TMEM41B: variants seen among roughly 807,000 people sequenced by gnomAD.
TMEM41B encodes protein stasimon.
In TMEM41B, 18 loss-of-function variants were observed where a neutral mutation model predicts 31.9. The observed-to-expected ratio is 0.56, with a 90% CI of 0.39 to 0.84. The LOEUF is 0.84. Among genes scored for constraint, TMEM41B ranks in the 40% least tolerant of loss-of-function variants. The pLI is 0.00. For missense variants in TMEM41B, 322 were observed against 348.0 expected, an observed-to-expected ratio of 0.93 and a Z score of 0.59; for synonymous variants, 144 against 124.3, an observed-to-expected ratio of 1.16 and a Z score of -1.05.
At position 9,299,535 on chromosome 11, in the gene TMEM41B, C is replaced by G. The variant is rs546977680; in HGVS notation, c.239+49G>C. The G allele has an allele frequency of 7.6e-5, 99 of 1,311,136 alleles. 1 individual carries two copies. In the South Asian group the frequency reaches 1.2e-3, roughly 16 times the overall value. 81.2% of individuals were successfully genotyped at this position (1,311,136 alleles called of 1,614,324 possible). On this transcript the variant is annotated intron_variant, in intron 2 of 6. Transcript: ENST00000528080. The stretch of plus-strand genomic sequence containing the variant: ...ACTGCACTTGGCCTTAATCCACTTT[C>G]ATCTTATAAATATCTATACATTTTC...
intron 1 of TMEM41B, among the ~76,000 whole-genome samples, chr11:9,305,460 C>T (rs1286234833): frequency 2.0e-5 from 3 of 152,086 alleles, no homozygotes; most frequent in Admixed American, 6.6e-5. Context: ...ATTAGTCAGG[C>T]GTGGTGGCAC....
chr11:9,285,088 CT>C lies in TMEM41B; in HGVS notation c.706+1366del, dbSNP rs11405419. On this transcript the variant is annotated intron_variant, in intron 6 of 6. Transcript: ENST00000528080. ...TTTTCTTTTCATTCTTTCCTTCTTT[CT>C]TTTTTTTTTTTTTTTGAGACAGTGT... Among the ~76,000 whole-genome samples, 390 of 131,156 alleles carry C rather than the reference CT, an allele frequency of 3.0e-3. 1 individual carries two copies. Among genetic ancestry groups the C allele is most frequent in the African/African-American group, 4.7e-3 (165 of 35,118 alleles). The allele number at this position is 131,156 out of a possible 152,430, so 86.0% of individuals were successfully genotyped here.
rs184394039 is a variant in TMEM41B at position 9,284,514 on chromosome 11, G to A, written c.707-921C>T. 2.7e-4 allele frequency among the ~76,000 whole-genome samples: 41 copies of A among 152,134 alleles called. No individual in the cohort carries two copies. In the East Asian group the frequency reaches 5.6e-3, roughly 21 times the overall value. On this transcript the variant is annotated intron_variant, in intron 6 of 6. Coordinates refer to ENST00000528080, the MANE Select transcript of TMEM41B (RefSeq NM_015012.4). ...ACAGTGGCTCATACGTGTAATCCCA[G>A]CACCCTGGGAGGCCAAGGCAGGCAG...
chr11:9,309,234 G>A (rs1853489856), intron 1 of TMEM41B, among the ~76,000 whole-genome samples: 1 of 138,886 alleles, frequency 7.2e-6, no homozygotes. Flanking sequence ...CAAAAAGAGT[G>A]AAACTCCATT....
At chr11:9,303,485 T>A (rs1355642904) in intron 1 of TMEM41B, among the ~76,000 whole-genome samples, 1 of 152,122 alleles carries the variant, frequency 6.6e-6, no homozygotes. Context: ...GTAATTTCTG[T>A]TGAAATAAGA....
Position 9,283,451 on chromosome 11 carries a change from T to A in TMEM41B, c.849A>T (p.Gln283His), listed in dbSNP as rs748340602. 1 of 1,602,412 alleles carries A rather than the reference T, an allele frequency of 6.2e-7. No individual in the cohort carries two copies. Among genetic ancestry groups the A allele is most frequent in the Non-Finnish European group, 8.5e-7 (1 of 1,176,898 alleles). The change falls in exon 7 of 7, where the codon CAA (glutamine) becomes CAT (histidine). Residue 283 changes from glutamine (Q) to histidine (H), a missense_variant. Gln to His is a conservative substitution (Grantham distance 24). Transcript: ENST00000528080. ...ACTCAAATTTCTGCTTTAGTTTTTTTTGGAAGATGGCTGGCAGAATAGAAA... is the reference window on the plus strand; with the variant it reads ...ACTCAAATTTCTGCTTTAGTTTTTTATGGAAGATGGCTGGCAGAATAGAAA... ...AVLSILPAIF[Q>H]KKLKQKFE
chr11:9,311,262 G>A lies in TMEM41B; in HGVS notation c.121+3059C>T. 12 of 1,502,302 alleles carry A rather than the reference G, an allele frequency of 8.0e-6. No individual in the cohort carries two copies. In the South Asian group the frequency reaches 1.3e-4, roughly 17 times the overall value. 93.1% of individuals were successfully genotyped at this position (1,502,302 alleles called of 1,614,324 possible). A position where few individuals can be genotyped will look rare whatever the true frequency, so the allele number is the denominator to read the frequency against. On this transcript the variant is annotated intron_variant, in intron 1 of 6. Coordinates refer to ENST00000528080, the MANE Select transcript of TMEM41B (RefSeq NM_015012.4). The stretch of plus-strand genomic sequence containing the variant: ...GCAGAACTGGTGAGACTTGAGGGAA[G>A]GACCCAGGGCCTGTATTCAGTCAGA...
chr11:9,311,426 C>T, intron 1 of TMEM41B: 1 of 1,388,444 alleles, frequency 7.2e-7, no homozygotes, highest in Non-Finnish European at 1.0e-6. Context: ...TCACAGGAGG[C>T]ATTCCAGGAG....
rs373362401 is a variant in TMEM41B, at chr11:9,283,300, T to C, written c.*124A>G. On this transcript the variant is annotated 3_prime_UTR_variant, in exon 7 of 7. Coordinates refer to ENST00000528080, the MANE Select transcript of TMEM41B (RefSeq NM_015012.4). The stretch of plus-strand genomic sequence containing the variant: ...TAAATGTATTACTTTAACTATCTGA[T>C]AGGAAATTTTATTTTACAAATTCCT... The C allele has an allele frequency of 6.6e-6, 5 of 760,342 alleles. No homozygotes were observed. The highest frequency in any genetic ancestry group is 3.6e-5 in the African/African-American group (2 of 56,012). 47.1% of individuals were successfully genotyped at this position (760,342 alleles called of 1,614,324 possible). A position where few individuals can be genotyped will look rare whatever the true frequency, so the allele number is the denominator to read the frequency against.
intron 1 of TMEM41B, chr11:9,311,591 G>T: frequency 1.9e-6 from 2 of 1,054,452 alleles, no homozygotes; most frequent in Non-Finnish European, 2.8e-6. Context: ...GAAAGGGTGG[G>T]TTGATAGGTG....
At chr11:9,293,397 C>T (rs1214783131) in intron 3 of TMEM41B, among the ~76,000 whole-genome samples, 2 of 152,122 alleles carry the variant, frequency 1.3e-5, no homozygotes, top group East Asian at 3.9e-4. Flanking sequence ...GCCACTACAC[C>T]CGGCCAATTA....
At chr11:9,308,084 C>CT (rs946324051) in intron 1 of TMEM41B, among the ~76,000 whole-genome samples, 10 of 152,106 alleles carry the variant, frequency 6.6e-5, no homozygotes, top group Non-Finnish European at 1.0e-4. Context: ...CAGTGGCTCA[C>CT]ACATGTAATC....
At chr11:9,296,885 C>G (rs2133626458) in intron 2 of TMEM41B, among the ~76,000 whole-genome samples, 1 of 152,216 alleles carries the variant, frequency 6.6e-6, no homozygotes, top group Non-Finnish European at 1.5e-5. Context: ...GAATAATCAC[C>G]TTTGTGTTTC....
intron 2 of TMEM41B, among the ~76,000 whole-genome samples, chr11:9,297,460 G>A (rs1252535752): frequency 6.6e-6 from 1 of 152,064 alleles, no homozygotes; most frequent in Non-Finnish European, 1.5e-5. Flanking sequence ...TTGGCAGGCC[G>A]AGATGGGTGG....
chr11:9,309,036 T>A (rs1258560738), intron 1 of TMEM41B, among the ~76,000 whole-genome samples: 1 of 151,846 alleles, frequency 6.6e-6, no homozygotes, highest in African/African-American at 2.4e-5. Flanking sequence ...TTACTGGAGG[T>A]CAGGAGTTCA....
intron 1 of TMEM41B, among the ~76,000 whole-genome samples, chr11:9,303,964 G>A (rs776603413): frequency 2.6e-5 from 4 of 152,054 alleles, no homozygotes; most frequent in South Asian, 2.1e-4. Flanking sequence ...CACCACGCCC[G>A]GCCTCCAATC....
intron 1 of TMEM41B, among the ~76,000 whole-genome samples, chr11:9,304,010 T>G (rs1315259880): frequency 6.6e-6 from 1 of 152,188 alleles, no homozygotes; most frequent in African/African-American, 2.4e-5. Flanking sequence ...TATTTCATCT[T>G]AATCTCAAAA....
intron 3 of TMEM41B, 91 bp from the exon 4 acceptor site, chr11:9,288,626 A>T (rs1470918989): frequency 2.2e-6 from 2 of 891,336 alleles, no homozygotes; most frequent in African/African-American, 3.4e-5. Flanking sequence ...TAAATACAAA[A>T]ATTATCATAC....
chr11:9,298,459 CAA>C (rs1198107922), intron 2 of TMEM41B, among the ~76,000 whole-genome samples: 9 of 61,148 alleles, frequency 1.5e-4, no homozygotes, highest in Admixed American at 1.8e-4. Flanking sequence ...AACTCAGTCT[CAA>C]AAAAAAAAAA....
Sources: allele counts gnomAD v4.1 joint callset (sites outside exome capture counted in the v4.1 genomes callset), GRCh38; gene constraint gnomAD v4.1.1; transcripts MANE v1.5; gene names NCBI Gene and HGNC (gene_info 2026-07-23, HGNC 2026-07-21).